WNT9B: variants seen among roughly 807,000 people sequenced by gnomAD.
WNT9B encodes protein Wnt-9b.
A neutral mutation model predicts 30.2 loss-of-function variants in WNT9B; 12 were observed. That is an observed-to-expected ratio of 0.40 (90% CI 0.26 to 0.64). The LOEUF is 0.64. Ranked by LOEUF, WNT9B falls within the 30% of genes least tolerant of loss-of-function variation. The pLI is 0.42. For synonymous variants in WNT9B, 218 were observed against 216.9 expected (o/e 1.01, Z -0.05); for missense variants, 442 against 485.2 (o/e 0.91, Z 0.84).
chr17:46,856,309 G>A (rs1375402822), intron 1 of WNT9B, among the ~76,000 whole-genome samples: 1 of 152,166 alleles, frequency 6.6e-6, no homozygotes, highest in East Asian at 1.9e-4. Context: ...TGGATAGGGT[G>A]TCTGGCACAT....
chr17:46,873,086 T>TCACA lies in WNT9B; in HGVS notation c.334+357_334+360dup, dbSNP rs61118325. On this transcript the variant is annotated intron_variant, in intron 2 of 3. Coordinates refer to ENST00000290015, the MANE Select transcript of WNT9B (RefSeq NM_003396.3). ...CCCCCAGTTGTCTCCCTCTGCCTCT[T>TCACA]CACACACACACACACACACACACAC... 4.1e-3 allele frequency among the ~76,000 whole-genome samples: 568 copies of TCACA among 139,902 alleles called. 4 individuals are homozygous for TCACA. The highest frequency in any genetic ancestry group is 9.5e-3 in the African/African-American group (351 of 36,958). The allele number at this position is 139,902 out of a possible 152,430, so 91.8% of individuals were successfully genotyped here.
chr17:46,869,925 G>T (rs1402888373), intron 1 of WNT9B, among the ~76,000 whole-genome samples: 1 of 152,032 alleles, frequency 6.6e-6, no homozygotes, highest in East Asian at 1.9e-4. Context: ...CTTGAACCCG[G>T]GAAGTGGAGG....
In WNT9B at chr17:46,876,528, A is replaced by G; in HGVS notation, c.884A>G (p.Lys295Arg). 6.2e-7 allele frequency: 1 copy of G among 1,613,628 alleles called. No individual in the cohort carries two copies. The highest frequency in any genetic ancestry group is 8.5e-7 in the Non-Finnish European group (1 of 1,180,012). Residue 295 changes from lysine (K) to arginine (R), a missense_variant, in exon 4 of 4, where the codon AAG becomes AGG. By Grantham distance (26) the Lys-to-Arg change is conservative (BLOSUM62 2). Transcript: ENST00000290015. ...TCACCCAGCTTCTGCCGGCCCAGCA[A>G]GTACTCACCTGGCACAGCAGGTAGG... ...EDSPSFCRPSKYSPGTAGRVC... is the reference protein window; with the variant it reads ...EDSPSFCRPSRYSPGTAGRVC...
Position 46,875,325 on chromosome 17 carries a change from C to T in WNT9B, c.559C>T (p.Arg187Trp), listed in dbSNP as rs200104547. 3.7e-6 allele frequency: 6 copies of T among 1,612,502 alleles called. No homozygotes were observed. Among genetic ancestry groups the T allele is most frequent in the Non-Finnish European group, 4.2e-6 (5 of 1,178,858 alleles). ...GTCCAAGAGAGGAAACAAGGACCTG[C>T]GGGCACGGGCAGACGCCCACAATAC... ...LGSKRGNKDL[R>W]ARADAHNTHV... The change falls in exon 3 of 4, where the codon CGG becomes TGG. Residue 187 changes from arginine to tryptophan, a missense_variant. Arg to Trp is a moderately radical substitution (Grantham distance 101). Coordinates refer to ENST00000290015, the MANE Select transcript of WNT9B (RefSeq NM_003396.3).
At chr17:46,839,296 A>G (rs148170047) in intron 1 of WNT9B, among the ~76,000 whole-genome samples, 1 of 152,356 alleles carries the variant, frequency 6.6e-6, no homozygotes, top group East Asian at 1.9e-4. Context: ...GACCCAGCAT[A>G]CACTCTGTCC....
chr17:46,864,516 C>G (rs554230874), intron 1 of WNT9B, among the ~76,000 whole-genome samples: 5 of 152,268 alleles, frequency 3.3e-5, no homozygotes, highest in African/African-American at 1.2e-4. Context: ...AGTTTCAGAC[C>G]AGGGAAAGTA....
upstream of WNT9B, among the ~76,000 whole-genome samples, chr17:46,850,889 G>A (rs2084832794): frequency 1.3e-5 from 2 of 152,204 alleles, no homozygotes; most frequent in Non-Finnish European, 2.9e-5. Context: ...TTTCTGCGCT[G>A]GGGAACATCA....
At chr17:46,858,469 T>C (rs1488716886) in intron 1 of WNT9B, among the ~76,000 whole-genome samples, 4 of 143,798 alleles carry the variant, frequency 2.8e-5, no homozygotes, top group Non-Finnish European at 5.9e-5. Context: ...TTCTCCTTTT[T>C]ATTTTATTTT....
chr17:46,872,294 A>G (rs2085258251), intron 1 of WNT9B, among the ~76,000 whole-genome samples: 1 of 152,248 alleles, frequency 6.6e-6, no homozygotes, highest in South Asian at 2.1e-4. Flanking sequence ...GTGGATAAGA[A>G]GAGCAGAGAC....
At chr17:46,863,702 T>C (rs2085082083) in intron 1 of WNT9B, among the ~76,000 whole-genome samples, 1 of 152,026 alleles carries the variant, frequency 6.6e-6, no homozygotes, top group Admixed American at 6.5e-5. Flanking sequence ...TGGGAGAAGG[T>C]TACAGCATGG....
intron 1 of WNT9B, among the ~76,000 whole-genome samples, chr17:46,870,148 G>C (rs191755958): frequency 1.3e-5 from 2 of 152,278 alleles, no homozygotes; most frequent in East Asian, 1.9e-4. Context: ...ATCACTCCCT[G>C]CTTGCTCTCC....
rs1257595151 is a variant in WNT9B at position 46,868,549 on chromosome 17, T to TTGTG, written c.78-3968_78-3967insTGTG. Among the ~76,000 whole-genome samples the TTGTG allele has an allele frequency of 8.0e-3, 1,225 of 152,214 alleles. 16 individuals are homozygous for TTGTG. The highest frequency in any genetic ancestry group is 0.028 in the African/African-American group (1,148 of 41,518). On this transcript the variant is annotated intron_variant, in intron 1 of 3. Transcript: ENST00000290015. ...AGGCAGAGGTTGCAGTGAGCCGAAA[T>TTGTG]CTCAGCACTGCACTCCAGCCTGGGT...
At chr17:46,861,387 C>T (rs2085035245) in intron 1 of WNT9B, among the ~76,000 whole-genome samples, 2 of 152,152 alleles carry the variant, frequency 1.3e-5, no homozygotes, top group Non-Finnish European at 2.9e-5. Context: ...AGCGTCCTCT[C>T]CCTTTCACTG....
downstream of WNT9B, among the ~76,000 whole-genome samples, chr17:46,883,266 G>A (rs963843335): frequency 6.6e-5 from 10 of 150,784 alleles, no homozygotes; most frequent in African/African-American, 2.2e-4. Context: ...ACAGGCGTGA[G>A]CTACTGCGCC....
At chr17:46,885,132 G>A, downstream of WNT9B, 1 of 398,892 alleles carries the variant, frequency 2.5e-6, no homozygotes, top group Non-Finnish European at 5.0e-6. Context: ...GGGATTACAG[G>A]CATGCACCAC....
At chr17:46,839,153 C>T (rs913519282) in intron 1 of WNT9B, among the ~76,000 whole-genome samples, 1 of 152,228 alleles carries the variant, frequency 6.6e-6, no homozygotes, top group Non-Finnish European at 1.5e-5. Flanking sequence ...ACTGGGATTA[C>T]AGGCGTGAGC....
upstream of WNT9B, among the ~76,000 whole-genome samples, chr17:46,849,366 T>C (rs1012774079): frequency 7.9e-5 from 12 of 152,342 alleles, no homozygotes; most frequent in African/African-American, 2.9e-4. Context: ...TGCACAAGCA[T>C]GCTTATGTGT....
chr17:46,834,531 C>T (rs987345110), intron 1 of WNT9B, among the ~76,000 whole-genome samples: 1 of 152,204 alleles, frequency 6.6e-6, no homozygotes, highest in African/African-American at 2.4e-5. Flanking sequence ...GCTCCTCTCG[C>T]TGGCTTGCCC....
intron 1 of WNT9B, among the ~76,000 whole-genome samples, chr17:46,842,063 CTCCCCCTCCA>C (rs1441363443): frequency 6.6e-6 from 1 of 152,184 alleles, no homozygotes; most frequent in South Asian, 2.1e-4. Context: ...CCCGGGAGGC[CTCCCCCTCCA>C]TCCCTCCAGG....
Sources: allele counts gnomAD v4.1 joint callset (sites outside exome capture counted in the v4.1 genomes callset), GRCh38; gene constraint gnomAD v4.1.1; transcripts MANE v1.5; gene names NCBI Gene and HGNC (gene_info 2026-07-23, HGNC 2026-07-21).